Variants in NRG4 observed in about 807,000 individuals in gnomAD.
The protein encoded by NRG4 is neuregulin 4.
NRG4 carries 10 observed loss-of-function variants against 15.0 expected under a neutral mutation model. The ratio of observed to expected loss-of-function variants is 0.67; its 90% CI spans 0.41 to 1.13. The LOEUF (loss-of-function observed/expected upper bound fraction) is 1.13. Among genes scored for constraint, NRG4 ranks in the 50% most tolerant of loss-of-function variants. The pLI is 0.00. For synonymous variants in NRG4, 41 were observed against 50.1 expected, an observed-to-expected ratio of 0.82 and a Z score of 0.77; for missense variants, 139 against 140.2, an observed-to-expected ratio of 0.99 and a Z score of 0.04.
At chr15:75,952,959 A>C (rs1383264142) in intron 5 of NRG4, among the ~76,000 whole-genome samples, 1 of 152,192 alleles carries the variant, frequency 6.6e-6, no homozygotes, top group Non-Finnish European at 1.5e-5. Context: ...TCTCAGAAGT[A>C]GATTGTCTTT....
intron 3 of NRG4, among the ~76,000 whole-genome samples, chr15:75,973,266 T>G (rs1295520542): frequency 6.6e-6 from 1 of 152,170 alleles, no homozygotes; most frequent in Non-Finnish European, 1.5e-5. Flanking sequence ...TTAAGGAGAT[T>G]TGGGGCTGAG....
intron 3 of NRG4, among the ~76,000 whole-genome samples, chr15:75,978,315 G>A (rs1317906860): frequency 4.6e-5 from 7 of 152,200 alleles, no homozygotes; most frequent in East Asian, 1.9e-4. Context: ...CTTCTCATGC[G>A]TAGATTATTT....
chr15:75,949,963 C>T (rs912938264), intron 5 of NRG4, among the ~76,000 whole-genome samples: 3 of 152,162 alleles, frequency 2.0e-5, no homozygotes, highest in African/African-American at 4.8e-5. Flanking sequence ...AGGTCCTTTG[C>T]GTTTCCATGG....
Position 75,941,420 on chromosome 15 carries a change from T to C in NRG4, c.*2218A>G, listed in dbSNP as rs896863652. 6 of 152,216 alleles carry C rather than the reference T, an allele frequency of 3.9e-5. No individual in the cohort carries two copies. The highest frequency in any genetic ancestry group is 1.2e-4 in the African/African-American group (5 of 41,464). The allele number at this position is 152,216 out of a possible 1,614,324, so 9.4% of individuals were successfully genotyped here. ...TCATTTGATTCAGCAATTGCATTTC[T>C]GGGTATATACACAAAATAATTGAAA... is the stretch of plus-strand genomic sequence containing the variant. On this transcript the variant is annotated 3_prime_UTR_variant, in exon 6 of 6. Transcript: ENST00000394907.
chr15:75,981,730 G>A (rs975319148), intron 3 of NRG4, among the ~76,000 whole-genome samples: 4 of 152,074 alleles, frequency 2.6e-5, no homozygotes, highest in African/African-American at 9.7e-5. Flanking sequence ...TGAAGCTACT[G>A]ATTTTTAGGG....
intron 5 of NRG4, among the ~76,000 whole-genome samples, chr15:76,019,038 A>C (rs369096930): frequency 1.2e-3 from 188 of 152,082 alleles, no homozygotes; most frequent in African/African-American, 4.3e-3. Context: ...CCCAGAGAGA[A>C]GAAATCTAGA....
rs149331866 is a variant in NRG4, at chr15:75,992,727, T to C, written c.104+16473A>G. ...ATTCTGGACATCTAATATGTAAATA[T>C]GTGTAATACATTTAAAATGTGTAAC... is the stretch of plus-strand genomic sequence containing the variant. On this transcript the variant is annotated intron_variant, in intron 3 of 5. Transcript: ENST00000394907. Among the ~76,000 whole-genome samples the C allele has an allele frequency of 4.3e-3, 649 of 152,300 alleles. 13 individuals are homozygous for C. Among genetic ancestry groups the C allele is most frequent in the African/African-American group, 0.015 (614 of 41,568 alleles).
rs2033414061 is a variant in NRG4, at chr15:75,977,314, T to A, written c.105-15340A>T. The stretch of plus-strand genomic sequence containing the variant: ...ACTTGGCTCCCTGGCTTCAGCCCCC[T>A]TTCCAGGGGAGTGAACGGTTCTGTC... On this transcript the variant is annotated intron_variant, in intron 3 of 5. Coordinates refer to ENST00000394907, the MANE Select transcript of NRG4 (RefSeq NM_138573.4). The surrounding 1 kb of genome is among the most constrained non-coding windows in gnomAD (Gnocchi z 4.9). 6.6e-6 allele frequency among the ~76,000 whole-genome samples: 1 copy of A among 152,166 alleles called. No homozygotes were observed. Among genetic ancestry groups the A allele is most frequent in the East Asian group, 1.9e-4 (1 of 5,196 alleles).
intron 2 of NRG4, among the ~76,000 whole-genome samples, chr15:76,010,840 A>C (rs1307214768): frequency 1.3e-5 from 2 of 152,146 alleles, no homozygotes; most frequent in Admixed American, 1.3e-4. Flanking sequence ...ATTGGATTAT[A>C]GTCAGACATA....
chr15:76,055,810 A>C (rs1177476287), intron 2 of NRG4, among the ~76,000 whole-genome samples: 1 of 152,202 alleles, frequency 6.6e-6, no homozygotes, highest in African/African-American at 2.4e-5. Context: ...CTGGTACATA[A>C]AAATTACTGG....
At chr15:75,976,971 G>A (rs998288335) in intron 3 of NRG4, among the ~76,000 whole-genome samples, 16 of 152,182 alleles carry the variant, frequency 1.1e-4, no homozygotes, top group Non-Finnish European at 2.1e-4. Flanking sequence ...GCAGATAGGA[G>A]TTTTATCTGT....
At chr15:76,050,424 AC>A (rs1372040443) in intron 4 of NRG4, among the ~76,000 whole-genome samples, 1 of 117,212 alleles carries the variant, frequency 8.5e-6, no homozygotes, top group Admixed American at 8.7e-5. Flanking sequence ...CATTATTGTC[AC>A]CCCGAGCCTT....
At chr15:76,033,677 C>T (rs1454038725) in intron 5 of NRG4, among the ~76,000 whole-genome samples, 6 of 152,140 alleles carry the variant, frequency 3.9e-5, no homozygotes, top group Admixed American at 1.3e-4. Flanking sequence ...ATTTTTTCTC[C>T]ACCATCCTAA....
At chr15:75,984,087 C>T (rs1045190085) in intron 3 of NRG4, among the ~76,000 whole-genome samples, 1 of 152,026 alleles carries the variant, frequency 6.6e-6, no homozygotes, top group East Asian at 1.9e-4. Context: ...TTTAGGATAG[C>T]GAAAATACCT....
intron 5 of NRG4, among the ~76,000 whole-genome samples, chr15:76,022,288 G>A (rs62027612): frequency 0.056 from 8,534 of 152,282 alleles, 383 homozygotes; most frequent in Non-Finnish European, 0.082. Context: ...CTTGCTGGAT[G>A]AGGAATGCCA....
intron 3 of NRG4, among the ~76,000 whole-genome samples, chr15:75,996,285 CTT>C (rs542139815): frequency 1.3e-5 from 2 of 152,058 alleles, no homozygotes; most frequent in Admixed American, 6.6e-5. Flanking sequence ...TCATTTAACT[CTT>C]AACAATCTAC....
At chr15:75,936,650 T>C (rs549630093), downstream of NRG4, 4 of 152,218 alleles carry the variant, frequency 2.6e-5, no homozygotes, top group African/African-American at 9.6e-5. Flanking sequence ...TCTCGACTCA[T>C]TGCAACCTCC....
chr15:75,995,142 C>T (rs902268826), intron 3 of NRG4, among the ~76,000 whole-genome samples: 4 of 151,690 alleles, frequency 2.6e-5, no homozygotes, highest in Non-Finnish European at 5.9e-5. Flanking sequence ...AAGCCATGAC[C>T]GCACCACTGC....
intron 4 of NRG4, chr15:76,051,959 G>A (rs1215149586): frequency 6.6e-6 from 1 of 150,940 alleles, no homozygotes; most frequent in South Asian, 2.1e-4. Context: ...ATATTGCAGA[G>A]ACTACCTTAT....
Sources: allele counts gnomAD v4.1 joint callset (sites outside exome capture counted in the v4.1 genomes callset), GRCh38; gene constraint gnomAD v4.1.1; non-coding constraint Gnocchi (gnomAD v3.1); transcripts MANE v1.5; gene names NCBI Gene and HGNC (gene_info 2026-07-23, HGNC 2026-07-21).